The following GREB1L variants were observed in gnomAD, a reference collection of about 807,000 sequenced individuals.
The protein encoded by GREB1L is GREB1-like protein.
A neutral mutation model predicts 200.8 loss-of-function variants in GREB1L; 17 were observed. That is an observed-to-expected ratio of 0.08 (90% confidence interval 0.06 to 0.13). The LOEUF (loss-of-function observed/expected upper bound fraction) is 0.13, where lower values mean the gene tolerates loss of function less well. GREB1L is among the 10% of genes least tolerant of loss of function. GREB1L has a pLI of 1.00. For synonymous variants in GREB1L, 789 were observed against 893.0 expected (o/e 0.88, Z 2.08); for missense variants, 1,657 against 2,367.7 (o/e 0.70, Z 6.23).
intron 1 of GREB1L, among the ~76,000 whole-genome samples, chr18:21,356,026 G>GC (rs1418939700): frequency 1.6e-5 from 2 of 127,964 alleles, no homozygotes; most frequent in Non-Finnish European, 3.1e-5. Flanking sequence ...TCACTCTGTC[G>GC]CCCAGGCTGG....
intron 1 of GREB1L, among the ~76,000 whole-genome samples, chr18:21,243,957 GTA>G (rs896577977): frequency 2.0e-5 from 3 of 152,026 alleles, no homozygotes; most frequent in African/African-American, 7.2e-5. Flanking sequence ...TATATTTTTT[GTA>G]TATCTTTCCG....
intron 2 of GREB1L, among the ~76,000 whole-genome samples, chr18:21,370,286 T>C (rs756405452): frequency 5.3e-5 from 8 of 152,116 alleles, no homozygotes; most frequent in Admixed American, 3.3e-4. Flanking sequence ...TCACAATCTA[T>C]TGGGGGAAGT....
At chr18:21,337,830 A>G (rs1043509053) in intron 1 of GREB1L, among the ~76,000 whole-genome samples, 21 of 151,976 alleles carry the variant, frequency 1.4e-4, no homozygotes, top group Non-Finnish European at 2.9e-4. Flanking sequence ...ACTAAAAAAT[A>G]CAAACAATTA....
chr18:21,291,551 C>A lies in GREB1L; in HGVS notation c.-120+49158C>A, dbSNP rs1240463417. On this transcript the variant is annotated intron_variant, in intron 1 of 32. Transcript: ENST00000424526. ...AGAGGCAGCCTGTGTCATGTTTATCCTTTTTTATTCCTTTATACTATTAAA... is the reference window on the plus strand; with the variant it reads ...AGAGGCAGCCTGTGTCATGTTTATCATTTTTTATTCCTTTATACTATTAAA... Among the ~76,000 whole-genome samples, 7 of 152,208 alleles carry A rather than the reference C, an allele frequency of 4.6e-5. No individual in the cohort carries two copies. The South Asian group carries it at 8.3e-4, about 18-fold the overall frequency.
In GREB1L at chr18:21,451,937, A is replaced by G; in HGVS notation, c.1850-146A>G. 1.8e-5 allele frequency: 12 copies of G among 669,208 alleles called. No individual in the cohort carries two copies. The South Asian group carries it at 2.3e-4, about 13-fold the overall frequency. The allele number at this position is 669,208 out of a possible 1,614,324, so 41.5% of individuals were successfully genotyped here. ...GATATAGAGACACCAGTATACTATA[A>G]AGATGGCCAAGTGTAAATGCTGATA... On this transcript the variant is annotated intron_variant, in intron 13 of 32. Transcript: ENST00000424526.
chr18:21,461,027 G>A (rs1340570703), intron 15 of GREB1L, among the ~76,000 whole-genome samples: 1 of 151,068 alleles, frequency 6.6e-6, no homozygotes, highest in East Asian at 2.0e-4. Flanking sequence ...AACCTGGGAG[G>A]CAGAGGTTGC....
chr18:21,450,519 G>A (rs1598861290), intron 12 of GREB1L: 1 of 152,964 alleles, frequency 6.5e-6, no homozygotes, highest in African/African-American at 2.4e-5. Flanking sequence ...AGCTTCATCA[G>A]TGTGATACAT....
At chr18:21,440,815 CTG>C (rs1456396626) in intron 9 of GREB1L, among the ~76,000 whole-genome samples, 1 of 152,224 alleles carries the variant, frequency 6.6e-6, no homozygotes, top group Admixed American at 6.5e-5. Flanking sequence ...GAACACCTAA[CTG>C]TAGCCATTTG....
chr18:21,269,088 G>A (rs544818497), intron 1 of GREB1L, among the ~76,000 whole-genome samples: 25 of 152,276 alleles, frequency 1.6e-4, no homozygotes, highest in African/African-American at 5.8e-4. Context: ...AGTTATAAAT[G>A]CTAATTATTA....
At chr18:21,519,124 G>C (rs1350053003) in intron 31 of GREB1L, among the ~76,000 whole-genome samples, 1 of 152,124 alleles carries the variant, frequency 6.6e-6, no homozygotes, top group Non-Finnish European at 1.5e-5. Context: ...TGTAGATTGG[G>C]TAATGAATTA....
At chr18:21,434,557 GTA>G (rs1202839824) in intron 7 of GREB1L, among the ~76,000 whole-genome samples, 2 of 133,192 alleles carry the variant, frequency 1.5e-5, no homozygotes, top group African/African-American at 6.7e-5. Context: ...ATATATGTGT[GTA>G]TATATATGTG....
At position 21,523,973 on chromosome 18, in the gene GREB1L, T is replaced by C. The variant is rs1474811414; in HGVS notation, c.*1152T>C. ...TGTCCAGTATCGGCAATGGGAGGCATATGTTTCTACAGATTTCTCAAATAT... is the reference window on the plus strand; with the variant it reads ...TGTCCAGTATCGGCAATGGGAGGCACATGTTTCTACAGATTTCTCAAATAT... On this transcript the variant is annotated 3_prime_UTR_variant, in exon 33 of 33. Coordinates refer to ENST00000424526, the MANE Select transcript of GREB1L (RefSeq NM_001142966.3). 1 of 152,212 alleles carries C rather than the reference T, an allele frequency of 6.6e-6. No individual in the cohort carries two copies. 9.4% of individuals were successfully genotyped at this position (152,212 alleles called of 1,614,324 possible).
At chr18:21,360,066 A>T (rs1034533544) in intron 1 of GREB1L, among the ~76,000 whole-genome samples, 1 of 152,222 alleles carries the variant, frequency 6.6e-6, no homozygotes, top group Non-Finnish European at 1.5e-5. Context: ...TTAATGGAAG[A>T]AATATAACTT....
intron 17 of GREB1L, 42 bp downstream of exon 17, chr18:21,477,398 A>T: frequency 7.0e-7 from 1 of 1,432,716 alleles, no homozygotes; most frequent in East Asian, 2.5e-5. Context: ...TCATGTTCTC[A>T]GTTCCCAAGA....
At chr18:21,288,775 T>C (rs1156735414) in intron 1 of GREB1L, among the ~76,000 whole-genome samples, 1 of 152,130 alleles carries the variant, frequency 6.6e-6, no homozygotes, top group East Asian at 1.9e-4. Flanking sequence ...TTCACTCTTG[T>C]CGCCCAGGTT....
At chr18:21,261,574 T>TA (rs1439756371) in intron 1 of GREB1L, among the ~76,000 whole-genome samples, 1 of 152,004 alleles carries the variant, frequency 6.6e-6, no homozygotes, top group African/African-American at 2.4e-5. Context: ...TATCTTGTGT[T>TA]AAAAAAACAA....
chr18:21,286,072 T>C (rs1389279754), intron 1 of GREB1L, among the ~76,000 whole-genome samples: 1 of 152,192 alleles, frequency 6.6e-6, no homozygotes. Flanking sequence ...CTAGAAAAAT[T>C]AAATTTTAAA....
At chr18:21,486,368 A>G (rs1472551821) in intron 18 of GREB1L, among the ~76,000 whole-genome samples, 1 of 151,938 alleles carries the variant, frequency 6.6e-6, no homozygotes, top group Admixed American at 6.6e-5. Flanking sequence ...AAAAAAAAAA[A>G]AAGTCCCACT....
At chr18:21,438,730 G>A (rs1213290923) in intron 7 of GREB1L, among the ~76,000 whole-genome samples, 9 of 151,498 alleles carry the variant, frequency 5.9e-5, no homozygotes, top group East Asian at 2.0e-4. Context: ...AGGCCGAGGC[G>A]GGCGGATCAT....
Sources: gnomAD v4.1 joint callset for allele counts (sites outside exome capture counted in the v4.1 genomes callset) on GRCh38, gnomAD v4.1.1 for gene constraint, MANE v1.5 for transcripts, NCBI Gene and HGNC (gene_info 2026-07-23, HGNC 2026-07-21) for gene names.